The following CADPS2 variants were observed in gnomAD, a reference collection of about 807,000 sequenced individuals.
CADPS2 encodes the protein calcium dependent secretion activator 2.
CADPS2 carries 93 observed loss-of-function variants against 172.5 expected under a neutral mutation model. The observed-to-expected ratio is 0.54, with a 90% CI of 0.46 to 0.64. The LOEUF (loss-of-function observed/expected upper bound fraction) is 0.64. Ranked by LOEUF, CADPS2 falls within the 30% of genes least tolerant of loss-of-function variation. The probability of loss-of-function intolerance (pLI) is 0.00; values close to 1 mark genes in which losing one functional copy is unlikely to be tolerated. For missense variants in CADPS2, 1,420 were observed against 1,565.9 expected (o/e 0.91, Z 1.57); for synonymous variants, 546 against 555.2 (o/e 0.98, Z 0.23).
At chr7:122,506,134 C>T (rs907327740) in intron 9 of CADPS2, among the ~76,000 whole-genome samples, 1 of 152,152 alleles carries the variant, frequency 6.6e-6, no homozygotes. Context: ...TACTCTGCCT[C>T]GTCACCACTT....
intron 29 of CADPS2, among the ~76,000 whole-genome samples, chr7:122,320,921 T>A (rs2032318553): frequency 6.6e-6 from 1 of 152,208 alleles, no homozygotes; most frequent in African/African-American, 2.4e-5. Context: ...TCTTTTGAAA[T>A]TCCCTTGGGA....
Position 122,823,664 on chromosome 7 carries a change from C to T in CADPS2, c.339+62335G>A, listed in dbSNP as rs146131201. Among the ~76,000 whole-genome samples the T allele has an allele frequency of 3.1e-3, 477 of 152,140 alleles. 2 individuals carry two copies. Among genetic ancestry groups the T allele is most frequent in the African/African-American group, 0.011 (461 of 41,486 alleles). On this transcript the variant is annotated intron_variant, in intron 1 of 29. Coordinates refer to ENST00000449022, the MANE Select transcript of CADPS2 (RefSeq NM_017954.11). ...TCTATAATTAACTATGAATGGAGAA[C>T]GGATGCAATTAGAAGGAATATTTTC...
chr7:122,464,278 A>G lies in CADPS2; in HGVS notation c.2186+7097T>C, dbSNP rs770777443. 3.4e-4 allele frequency among the ~76,000 whole-genome samples: 52 copies of G among 152,232 alleles called. 1 individual carries two copies. The highest frequency in any genetic ancestry group is 8.8e-5 in the Non-Finnish European group (6 of 68,042). On this transcript the variant is annotated intron_variant, in intron 14 of 29. Transcript: ENST00000449022. ...GCTTTCAATAGCTACAGCAGGAACA[A>G]TCTGAGCAACAAAGTAATTTAGATA...
chr7:122,640,043 AT>A (rs1296162599), intron 3 of CADPS2, among the ~76,000 whole-genome samples: 8 of 152,150 alleles, frequency 5.3e-5, no homozygotes, highest in African/African-American at 1.7e-4. Context: ...TAGAATCTCA[AT>A]TTTCAGCTCC....
intron 28 of CADPS2, among the ~76,000 whole-genome samples, chr7:122,343,653 A>T (rs873377): frequency 0.15 from 23,397 of 152,230 alleles, 1,853 homozygotes; most frequent in African/African-American, 0.17. Flanking sequence ...TGACAAATCT[A>T]TCTATGATGG....
chr7:122,872,297 T>C (rs1244576950), intron 1 of CADPS2, among the ~76,000 whole-genome samples: 1 of 152,178 alleles, frequency 6.6e-6, no homozygotes, highest in African/African-American at 2.4e-5. Flanking sequence ...CATGTAACTT[T>C]AAATTTTCAT....
chr7:122,717,454 A>G (rs1242266310), intron 2 of CADPS2, among the ~76,000 whole-genome samples: 4 of 152,202 alleles, frequency 2.6e-5, no homozygotes, highest in Non-Finnish European at 4.4e-5. Flanking sequence ...TACAAAAATT[A>G]TAAGACACTT....
chr7:122,718,330 A>G (rs1428746952), intron 2 of CADPS2, among the ~76,000 whole-genome samples: 2 of 151,774 alleles, frequency 1.3e-5, no homozygotes, highest in Non-Finnish European at 2.9e-5. Context: ...AAGAAGGGGG[A>G]AGAGGATGTG....
In CADPS2 at chr7:122,748,771, A is replaced by C. The variant is rs1368651279; in HGVS notation, c.340-11703T>G. Among the ~76,000 whole-genome samples, 3 of 152,132 alleles carry C rather than the reference A, an allele frequency of 2.0e-5. No individual in the cohort carries two copies. In the South Asian group the frequency reaches 6.2e-4, roughly 32 times the overall value. ...CTAGGATAAGGAGTGGCAGACTCTC[A>C]ATATGATAAACATTAAGGTCTATCT... On this transcript the variant is annotated intron_variant, in intron 1 of 29. Transcript: ENST00000449022.
chr7:122,800,015 T>C (rs1022903512), intron 1 of CADPS2, among the ~76,000 whole-genome samples: 2 of 152,220 alleles, frequency 1.3e-5, no homozygotes, highest in South Asian at 2.1e-4. Flanking sequence ...TCGGTTATCC[T>C]GGGTAGAAAA....
intron 6 of CADPS2, among the ~76,000 whole-genome samples, chr7:122,593,031 T>C (rs557504935): frequency 1.3e-4 from 19 of 151,654 alleles, no homozygotes; most frequent in African/African-American, 4.6e-4. Context: ...TATTTGAAAT[T>C]CCAACTTGAG....
At chr7:122,537,804 A>C (rs1270742897) in intron 8 of CADPS2, among the ~76,000 whole-genome samples, 1 of 151,854 alleles carries the variant, frequency 6.6e-6, no homozygotes, top group Non-Finnish European at 1.5e-5. Context: ...ATTGCAGACA[A>C]ACTTCTGCAG....
At chr7:122,621,929 A>G (rs1451584571) in intron 4 of CADPS2, among the ~76,000 whole-genome samples, 1 of 152,178 alleles carries the variant, frequency 6.6e-6, no homozygotes, top group Non-Finnish European at 1.5e-5. Context: ...GGATCACTGC[A>G]GTACAAAATG....
At chr7:122,788,121 G>A (rs1460927443) in intron 1 of CADPS2, among the ~76,000 whole-genome samples, 1 of 152,164 alleles carries the variant, frequency 6.6e-6, no homozygotes, top group African/African-American at 2.4e-5. Flanking sequence ...CAGAAACAGA[G>A]CCAGCTTCAG....
chr7:122,839,029 T>C (rs1182798953), intron 1 of CADPS2, among the ~76,000 whole-genome samples: 1 of 152,074 alleles, frequency 6.6e-6, no homozygotes, highest in Non-Finnish European at 1.5e-5. Flanking sequence ...CTTCAAACCA[T>C]ACTACAAGGC....
At chr7:122,496,174 T>C (rs1274110961) in intron 9 of CADPS2, among the ~76,000 whole-genome samples, 1 of 152,196 alleles carries the variant, frequency 6.6e-6, no homozygotes, top group Non-Finnish European at 1.5e-5. Context: ...TATTTATTTA[T>C]TTATTGAGAC....
chr7:122,581,822 A>G (rs1294762978), intron 6 of CADPS2, among the ~76,000 whole-genome samples: 1 of 152,156 alleles, frequency 6.6e-6, no homozygotes, highest in Non-Finnish European at 1.5e-5. Flanking sequence ...AGAAATATGC[A>G]TCATAAGAAT....
At chr7:122,523,869 G>A (rs966790618) in intron 8 of CADPS2, among the ~76,000 whole-genome samples, 2 of 152,128 alleles carry the variant, frequency 1.3e-5, no homozygotes, top group Admixed American at 6.6e-5. Flanking sequence ...AGAATTTACT[G>A]AGTAGCCCCC....
At chr7:122,678,722 T>C (rs752637714) in intron 2 of CADPS2, among the ~76,000 whole-genome samples, 2 of 152,136 alleles carry the variant, frequency 1.3e-5, no homozygotes, top group Non-Finnish European at 2.9e-5. Context: ...TGATGTTATC[T>C]ATAGGAGCAA....
Sources: allele counts gnomAD v4.1 joint callset (sites outside exome capture counted in the v4.1 genomes callset), GRCh38; gene constraint gnomAD v4.1.1; transcripts MANE v1.5; gene names NCBI Gene and HGNC (gene_info 2026-07-23, HGNC 2026-07-21).